Variants in MICU2 observed in about 807,000 individuals in gnomAD.
MICU2 encodes mitochondrial calcium uptake 2, also known as calcium uptake protein 2, mitochondrial.
In MICU2, 64 loss-of-function variants were observed where a neutral mutation model predicts 60.4. That is an observed-to-expected ratio of 1.06 (90% CI 0.87 to 1.31). The LOEUF is 1.31. Ranked by LOEUF, MICU2 falls within the 50% of genes most tolerant of loss-of-function variation. The pLI, the probability that MICU2 is intolerant of heterozygous loss-of-function variation, is 0.00. For missense variants in MICU2, 569 were observed against 531.0 expected (o/e 1.07, Z -0.70); for synonymous variants, 201 against 175.0 (o/e 1.15, Z -1.17).
chr13:21,599,689 C>T (rs1179973581), intron 1 of MICU2, among the ~76,000 whole-genome samples: 1 of 152,218 alleles, frequency 6.6e-6, no homozygotes, highest in Non-Finnish European at 1.5e-5. Flanking sequence ...CAACTCTCTC[C>T]TGAATTATTG....
chr13:21,576,743 T>C (rs935940848), intron 1 of MICU2, among the ~76,000 whole-genome samples: 4 of 152,174 alleles, frequency 2.6e-5, no homozygotes, highest in Non-Finnish European at 4.4e-5. Flanking sequence ...TTCTTAAAGC[T>C]CATGGCTGAA....
chr13:21,543,134 C>T (rs953501195), intron 2 of MICU2, among the ~76,000 whole-genome samples: 1 of 152,150 alleles, frequency 6.6e-6, no homozygotes, highest in African/African-American at 2.4e-5. Flanking sequence ...TATTCAGTCA[C>T]AGCTATTATG....
chr13:21,496,307 G>A lies in MICU2; in HGVS notation c.934-147C>T, dbSNP rs539256945. On this transcript the variant is annotated intron_variant, in intron 9 of 11. Transcript: ENST00000382374. ...GAGCTTTCTCTGTCCCTTTCTCTCT[G>A]TGTGCACACAGAAATGGCCACACAA... is the stretch of plus-strand genomic sequence containing the variant. 1.3e-5 allele frequency: 8 copies of A among 624,668 alleles called. No individual in the cohort carries two copies. In the Admixed American group the frequency reaches 1.5e-4, roughly 12 times the overall value. 38.7% of individuals were successfully genotyped at this position (624,668 alleles called of 1,614,324 possible).
intron 1 of MICU2, chr13:21,603,697 C>T (rs1888879975): frequency 3.6e-6 from 2 of 556,698 alleles, no homozygotes; most frequent in Non-Finnish European, 6.3e-6. Flanking sequence ...TGTTCAGCGT[C>T]CGCGGGGTTC....
At chr13:21,593,584 A>AAC (rs1555277338) in intron 1 of MICU2, among the ~76,000 whole-genome samples, 1 of 149,820 alleles carries the variant, frequency 6.7e-6, no homozygotes, top group Non-Finnish European at 1.5e-5. Context: ...AAAAAAAAAA[A>AAC]AAAAAAAAAA....
intron 6 of MICU2, among the ~76,000 whole-genome samples, chr13:21,517,870 A>G (rs775560160): frequency 8.5e-5 from 13 of 152,140 alleles, no homozygotes; most frequent in South Asian, 2.1e-4. Context: ...TGAAAAAACT[A>G]TTCAAATAAT....
intron 8 of MICU2, among the ~76,000 whole-genome samples, chr13:21,503,978 T>C (rs1886238532): frequency 6.6e-6 from 1 of 152,188 alleles, no homozygotes; most frequent in Admixed American, 6.5e-5. Flanking sequence ...AAAAAATGAC[T>C]TGCTTGAAGT....
At chr13:21,603,908 C>CT (rs1888889000) in intron 1 of MICU2, 31 bp downstream of exon 1, 1 of 1,607,594 alleles carries the variant, frequency 6.2e-7, no homozygotes. Flanking sequence ...AGGAGCTTGA[C>CT]TGGGGCTAGC....
chr13:21,589,650 A>G (rs1888534346), intron 1 of MICU2, among the ~76,000 whole-genome samples: 1 of 152,056 alleles, frequency 6.6e-6, no homozygotes. Flanking sequence ...ACTCATTTCA[A>G]TCACCTGTTC....
At chr13:21,495,090 T>C in intron 11 of MICU2, 71 bp downstream of exon 11, 1 of 1,260,480 alleles carries the variant, frequency 7.9e-7, no homozygotes. Context: ...GACTGTACAA[T>C]TGCCCAAATT....
chr13:21,600,715 G>A (rs569597254), intron 1 of MICU2, among the ~76,000 whole-genome samples: 46 of 152,238 alleles, frequency 3.0e-4, no homozygotes, highest in Non-Finnish European at 6.0e-4. Context: ...GAAAAGTGTA[G>A]GACTCCATTA....
intron 4 of MICU2, among the ~76,000 whole-genome samples, chr13:21,530,205 A>C (rs1886954278): frequency 6.6e-6 from 1 of 152,194 alleles, no homozygotes; most frequent in Non-Finnish European, 1.5e-5. Flanking sequence ...TCCCACAGCC[A>C]CTGCATGTGC....
In MICU2 at chr13:21,514,450, G is replaced by A. The variant is rs746190461; in HGVS notation, c.598-32C>T. On this transcript the variant is annotated intron_variant, in intron 6 of 11. Transcript: ENST00000382374. The stretch of plus-strand genomic sequence containing the variant: ...AGATTACAAACATGAGTTTACATGT[G>A]TGCCTACCAGATTTTTCAAAACAAC... The A allele has an allele frequency of 2.1e-5, 32 of 1,543,328 alleles. No homozygotes were observed. The East Asian group carries it at 3.8e-4, about 18-fold the overall frequency.
chr13:21,584,673 T>C, intron 1 of MICU2, among the ~76,000 whole-genome samples: 1 of 152,192 alleles, frequency 6.6e-6, no homozygotes, highest in East Asian at 1.9e-4. Flanking sequence ...TATTTTTATA[T>C]TGAAATTACT....
chr13:21,513,565 C>T (rs1368217161), intron 7 of MICU2, among the ~76,000 whole-genome samples: 5 of 151,684 alleles, frequency 3.3e-5, no homozygotes, highest in Non-Finnish European at 5.9e-5. Context: ...TGGTGAAACC[C>T]TGTCTCTACT....
chr13:21,569,867 C>G (rs1888069550), intron 1 of MICU2, among the ~76,000 whole-genome samples: 1 of 150,636 alleles, frequency 6.6e-6, no homozygotes, highest in South Asian at 2.1e-4. Flanking sequence ...AACCAGCTTG[C>G]CTAGATTGTA....
At chr13:21,502,578 T>C (rs897135498) in intron 9 of MICU2, among the ~76,000 whole-genome samples, 2 of 152,216 alleles carry the variant, frequency 1.3e-5, no homozygotes, top group African/African-American at 4.8e-5. Context: ...TATAATTGCA[T>C]CATATAAAAA....
At chr13:21,558,076 G>C (rs1189905797) in intron 2 of MICU2, among the ~76,000 whole-genome samples, 1 of 152,120 alleles carries the variant, frequency 6.6e-6, no homozygotes, top group African/African-American at 2.4e-5. Flanking sequence ...ATATACTGTA[G>C]CAACTCTGAG....
rs1462260370 is a variant in MICU2, at chr13:21,514,384, A to G, written c.632T>C (p.Met211Thr). Residue 211 changes from methionine (M) to threonine (T), a missense_variant, in exon 7 of 12, where the codon ATG (methionine) becomes ACG (threonine). Transcript: ENST00000382374. ...TCCAGTTTCATTAGTTTTCACTGTC[A>G]TCAAGTCATCTTGTTTACTTATGAT... ...QKIISKQDDLMTVKTNETGYQ... is the reference protein window; with the variant it reads ...QKIISKQDDLTTVKTNETGYQ... 9 of 1,613,628 alleles carry G rather than the reference A, an allele frequency of 5.6e-6. No individual in the cohort carries two copies. Among genetic ancestry groups the G allele is most frequent in the Non-Finnish European group, 7.6e-6 (9 of 1,179,754 alleles).
Sources: allele counts gnomAD v4.1 joint callset (sites outside exome capture counted in the v4.1 genomes callset), GRCh38; gene constraint gnomAD v4.1.1; transcripts MANE v1.5; gene names NCBI Gene and HGNC (gene_info 2026-07-23, HGNC 2026-07-21).